The following INPP4A variants were observed in gnomAD, a reference collection of about 807,000 sequenced individuals.
INPP4A encodes the protein inositol polyphosphate-4-phosphatase type I A, also known as inositol polyphosphate-4-phosphatase, type I, 107kD.
Under a neutral mutation model 119.8 loss-of-function variants are expected in INPP4A, and 33 were observed. The ratio of observed to expected loss-of-function variants is 0.28; its 90% CI spans 0.21 to 0.37. The LOEUF is 0.37. Ranked by LOEUF, INPP4A falls within the 10% of genes least tolerant of loss-of-function variation. The pLI is 1.00. For missense variants in INPP4A, 956 were observed against 1,289.9 expected (o/e 0.74, Z 3.97); for synonymous variants, 496 against 500.7 (o/e 0.99, Z 0.12).
At chr2:98,455,615 C>T (rs1186696233) in intron 1 of INPP4A, among the ~76,000 whole-genome samples, 2 of 152,108 alleles carry the variant, frequency 1.3e-5, no homozygotes, top group African/African-American at 4.8e-5. Context: ...TCGAATCCTC[C>T]CTGACAGTGG....
intron 1 of INPP4A, among the ~76,000 whole-genome samples, chr2:98,481,076 A>C (rs934197019): frequency 1.2e-4 from 19 of 152,332 alleles, no homozygotes; most frequent in African/African-American, 4.6e-4. Context: ...GGTGTGCTTC[A>C]AGTTCTTCTG....
At chr2:98,476,301 A>C (rs1677188386) in intron 1 of INPP4A, among the ~76,000 whole-genome samples, 1 of 152,190 alleles carries the variant, frequency 6.6e-6, no homozygotes, top group Non-Finnish European at 1.5e-5. Context: ...ACTAAGCTTT[A>C]GGGTTGTATA....
At position 98,576,991 on chromosome 2, in the gene INPP4A, C is replaced by T. The variant is rs747581221; in HGVS notation, c.2634C>T (p.Ile878=). 6.2e-7 allele frequency: 1 copy of T among 1,610,538 alleles called. No individual in the cohort carries two copies. The highest frequency in any genetic ancestry group is 1.1e-5 in the South Asian group (1 of 90,916). Reference sequence around the variant, plus strand: ...ACGGCCCATGTTTCTGTTGGCAGATCTGCCGCCGCCTTAATGGGGTCCGGT... The same window carrying T: ...ACGGCCCATGTTTCTGTTGGCAGATTTGCCGCCGCCTTAATGGGGTCCGGT... ...NVDILWQAAE[I]CRRLNGVRFT... is the part of the protein sequence containing the mutation. Residue 878 remains isoleucine (I), a splice_region_variant and synonymous_variant, in exon 24 of 25, where the codon ATC becomes ATT. Coordinates refer to ENST00000409851, the MANE Select transcript of INPP4A (RefSeq NM_001134225.2).
chr2:98,517,072 C>G, intron 1 of INPP4A, among the ~76,000 whole-genome samples: 1 of 152,066 alleles, frequency 6.6e-6, no homozygotes, highest in Admixed American at 6.5e-5. Flanking sequence ...TTTCCAGAGC[C>G]CCGGAAGCCC....
chr2:98,469,354 G>A (rs1004458613), intron 1 of INPP4A, among the ~76,000 whole-genome samples: 2 of 152,062 alleles, frequency 1.3e-5, no homozygotes, highest in African/African-American at 4.8e-5. Flanking sequence ...AAAATTAGTC[G>A]GGTGTGGTGG....
chr2:98,447,382 CT>C (rs1694369426), intron 1 of INPP4A, among the ~76,000 whole-genome samples: 1 of 152,002 alleles, frequency 6.6e-6, no homozygotes, highest in Non-Finnish European at 1.5e-5. Context: ...TTTCAGTGTC[CT>C]AAAACAGAAG....
At chr2:98,528,561 T>A (rs953963965) in intron 4 of INPP4A, among the ~76,000 whole-genome samples, 1 of 152,172 alleles carries the variant, frequency 6.6e-6, no homozygotes, top group Admixed American at 6.5e-5. Flanking sequence ...GGAAGCCCAA[T>A]GAACTCCACA....
chr2:98,520,513 G>T (rs1056203558), intron 3 of INPP4A, among the ~76,000 whole-genome samples, 174 bp from the exon 4 acceptor site: 1 of 151,650 alleles, frequency 6.6e-6, no homozygotes. Flanking sequence ...TTGGTTGTGG[G>T]GTCAGGGACT....
chr2:98,486,721 C>T (rs1368828755), intron 1 of INPP4A, among the ~76,000 whole-genome samples: 1 of 152,268 alleles, frequency 6.6e-6, no homozygotes, highest in Non-Finnish European at 1.5e-5. Context: ...AGAGAGGGTT[C>T]TGCAAACACT....
chr2:98,477,386 A>G (rs1234253268), intron 1 of INPP4A, among the ~76,000 whole-genome samples: 1 of 152,236 alleles, frequency 6.6e-6, no homozygotes, highest in Non-Finnish European at 1.5e-5. Context: ...TAGGGAAACC[A>G]TAGCCATGGG....
chr2:98,497,925 C>T (rs1273747896), intron 1 of INPP4A, among the ~76,000 whole-genome samples: 2 of 152,196 alleles, frequency 1.3e-5, no homozygotes, highest in Non-Finnish European at 2.9e-5. Flanking sequence ...GCTGTGTTTA[C>T]CCAATACCTG....
chr2:98,518,414 G>T (rs1461429093), intron 1 of INPP4A, among the ~76,000 whole-genome samples: 2 of 152,230 alleles, frequency 1.3e-5, no homozygotes, highest in Non-Finnish European at 2.9e-5. Context: ...GCTTTGAGAG[G>T]GATGGCTCAT....
At chr2:98,531,149 A>G (rs892528794) in intron 4 of INPP4A, among the ~76,000 whole-genome samples, 1 of 152,222 alleles carries the variant, frequency 6.6e-6, no homozygotes, top group African/African-American at 2.4e-5. Context: ...GGGATATAAG[A>G]TTTCAACACA....
intron 1 of INPP4A, among the ~76,000 whole-genome samples, chr2:98,473,519 A>G (rs1676585857): frequency 1.3e-5 from 2 of 150,452 alleles, no homozygotes; most frequent in African/African-American, 2.4e-5. Context: ...AGGGCAGTGT[A>G]GGTGCAGTGT....
chr2:98,465,865 A>G (rs1674649203), intron 1 of INPP4A, among the ~76,000 whole-genome samples: 1 of 151,902 alleles, frequency 6.6e-6, no homozygotes, highest in African/African-American at 2.4e-5. Context: ...GCAGTACTTG[A>G]GCAGACGGTG....
intron 1 of INPP4A, among the ~76,000 whole-genome samples, chr2:98,454,488 G>C (rs1461254123): frequency 1.3e-5 from 2 of 152,132 alleles, no homozygotes; most frequent in East Asian, 1.9e-4. Flanking sequence ...GCTCACAGGA[G>C]GGTGGTGGGG....
intron 9 of INPP4A, 71 bp downstream of exon 9, chr2:98,539,052 C>A: frequency 2.5e-6 from 2 of 790,368 alleles, no homozygotes; most frequent in Non-Finnish European, 2.1e-6. Flanking sequence ...GTCCCCTTTG[C>A]TCCCCACCTG....
At chr2:98,517,765 G>GTAGT (rs1686422542) in intron 1 of INPP4A, among the ~76,000 whole-genome samples, 1 of 152,180 alleles carries the variant, frequency 6.6e-6, no homozygotes. Flanking sequence ...TTTTTACCCA[G>GTAGT]TAGTCTTTTC....
At chr2:98,555,250 G>A (rs1694239881) in intron 15 of INPP4A, among the ~76,000 whole-genome samples, 1 of 152,212 alleles carries the variant, frequency 6.6e-6, no homozygotes, top group Non-Finnish European at 1.5e-5. Flanking sequence ...GCAAGAGGAG[G>A]AGATGAGACA....
Sources: allele counts gnomAD v4.1 joint callset (sites outside exome capture counted in the v4.1 genomes callset), GRCh38; gene constraint gnomAD v4.1.1; transcripts MANE v1.5; gene names NCBI Gene and HGNC (gene_info 2026-07-23, HGNC 2026-07-21).